FOXP2: variants seen among roughly 807,000 people sequenced by gnomAD.
FOXP2 encodes forkhead box P2.
Under a neutral mutation model 115.8 loss-of-function variants are expected in FOXP2, and 12 were observed. The observed-to-expected ratio is 0.10, with a 90% CI of 0.07 to 0.17. The LOEUF is 0.17. Among genes scored for constraint, FOXP2 ranks in the 10% least tolerant of loss-of-function variants. The pLI is 1.00. For missense variants in FOXP2, 629 were observed against 843.5 expected, an observed-to-expected ratio of 0.75 and a Z score of 3.15; for synonymous variants, 328 against 297.7, an observed-to-expected ratio of 1.10 and a Z score of -1.05.
At chr7:114,256,652 A>G (rs1337749867) in intron 1 of FOXP2, among the ~76,000 whole-genome samples, 1 of 152,196 alleles carries the variant, frequency 6.6e-6, no homozygotes, top group East Asian at 1.9e-4. Flanking sequence ...TCTGTGGGTT[A>G]GCTGTTCACT....
At chr7:114,326,888 A>G (rs1459204251) in intron 2 of FOXP2, among the ~76,000 whole-genome samples, 1 of 152,210 alleles carries the variant, frequency 6.6e-6, no homozygotes, top group Non-Finnish European at 1.5e-5. Context: ...TAGGGATAAT[A>G]TAGTCAGTAG....
At chr7:114,395,127 T>C (rs1408731862) in intron 2 of FOXP2, among the ~76,000 whole-genome samples, 1 of 152,218 alleles carries the variant, frequency 6.6e-6, no homozygotes, top group Non-Finnish European at 1.5e-5. Context: ...AGTTTGTGAC[T>C]ATGACAGTAT....
chr7:114,607,357 G>A (rs769354149), intron 3 of FOXP2, among the ~76,000 whole-genome samples: 1 of 152,134 alleles, frequency 6.6e-6, no homozygotes, highest in African/African-American at 2.4e-5. Flanking sequence ...AAAGAGCACT[G>A]TACTATATCA....
upstream of FOXP2, among the ~76,000 whole-genome samples, chr7:114,158,645 T>A (rs1792737668): frequency 6.6e-6 from 1 of 152,158 alleles, no homozygotes; most frequent in Non-Finnish European, 1.5e-5. Context: ...GACCCTTATG[T>A]TGTATGTGAT....
intron 1 of FOXP2, among the ~76,000 whole-genome samples, chr7:114,262,925 C>T (rs923436988): frequency 1.3e-5 from 2 of 152,212 alleles, no homozygotes; most frequent in African/African-American, 2.4e-5. Context: ...TATCCCCTCT[C>T]TGCCAAATTC....
intron 8 of FOXP2, among the ~76,000 whole-genome samples, chr7:114,651,517 G>A (rs1296716354): frequency 6.6e-6 from 1 of 151,974 alleles, no homozygotes; most frequent in Non-Finnish European, 1.5e-5. Flanking sequence ...AATAATAATG[G>A]TAGACTAATG....
rs1804784615 is a variant in FOXP2, at chr7:114,629,701, A to T, written c.397-104A>T. On this transcript the variant is annotated intron_variant, in intron 4 of 16. Coordinates refer to ENST00000350908, the MANE Select transcript of FOXP2 (RefSeq NM_014491.4). ...ATTTTTTGTTGTTTTTATGGGATGAATCTTAATGGATACTCTGCCATATGC... is the reference window on the plus strand; with the variant it reads ...ATTTTTTGTTGTTTTTATGGGATGATTCTTAATGGATACTCTGCCATATGC... 3.1e-6 allele frequency: 5 copies of T among 1,601,032 alleles called. No individual in the cohort carries two copies. The Admixed American group carries it at 8.4e-5, about 27-fold the overall frequency.
At chr7:114,308,186 A>G (rs1027614940) in intron 2 of FOXP2, among the ~76,000 whole-genome samples, 33 of 152,264 alleles carry the variant, frequency 2.2e-4, no homozygotes, top group African/African-American at 7.5e-4. Flanking sequence ...CAAGATGGGA[A>G]TAGAAGAAGA....
chr7:114,430,999 T>A (rs1794083282), intron 2 of FOXP2, among the ~76,000 whole-genome samples: 1 of 151,912 alleles, frequency 6.6e-6, no homozygotes. Flanking sequence ...TAGAAATGGA[T>A]TTTTTAATTT....
At position 114,334,814 on chromosome 7, in the gene FOXP2, A is replaced by G. The variant is rs961305354; in HGVS notation, c.-11+46705A>G. Among the ~76,000 whole-genome samples, 3 of 150,448 alleles carry G rather than the reference A, an allele frequency of 2.0e-5. No homozygotes were observed. The South Asian group carries it at 6.3e-4, about 31-fold the overall frequency. Reference sequence around the variant, plus strand: ...GATACCTTTAATTTTTAAAGATCGAAAATGATCATAAATGAGAATCAGGTT... The same window carrying G: ...GATACCTTTAATTTTTAAAGATCGAGAATGATCATAAATGAGAATCAGGTT... On this transcript the variant is annotated intron_variant, in intron 2 of 17. Coordinates refer to the FOXP2 transcript ENST00000634411.
At chr7:114,309,570 T>C (rs1797095240) in intron 2 of FOXP2, among the ~76,000 whole-genome samples, 1 of 152,152 alleles carries the variant, frequency 6.6e-6, no homozygotes. Context: ...ATTGATCTCG[T>C]CAGAGAACAG....
intron 1 of FOXP2, among the ~76,000 whole-genome samples, chr7:114,176,065 A>G (rs1793280350): frequency 6.6e-6 from 1 of 151,174 alleles, no homozygotes; most frequent in African/African-American, 2.4e-5. Flanking sequence ...GTTTTTGGGG[A>G]TTTTAAAATT....
chr7:114,405,058 A>T (rs536536064), intron 2 of FOXP2, among the ~76,000 whole-genome samples: 37 of 152,060 alleles, frequency 2.4e-4, no homozygotes, highest in South Asian at 1.9e-3. Context: ...TTTTTGATGA[A>T]GTAGAAAACA....
At chr7:114,417,946 T>A (rs1793421186) in intron 1 of FOXP2, among the ~76,000 whole-genome samples, 1 of 151,960 alleles carries the variant, frequency 6.6e-6, no homozygotes, top group Admixed American at 6.6e-5. Flanking sequence ...TTCTACTTTG[T>A]GAAAAGTACT....
chr7:114,631,396 C>T (rs1391614616), intron 5 of FOXP2, 132 bp from the exon 6 acceptor site: 18 of 1,443,636 alleles, frequency 1.2e-5, no homozygotes, highest in Middle Eastern at 4.7e-4. Context: ...CACATTCTGC[C>T]CCTGAACTTT....
chr7:114,609,054 C>T (rs538177776), intron 3 of FOXP2, among the ~76,000 whole-genome samples: 3 of 151,510 alleles, frequency 2.0e-5, no homozygotes, highest in African/African-American at 7.3e-5. Flanking sequence ...CAAAACAAAA[C>T]AAAACAAAAT....
chr7:114,211,801 G>C (rs1415461303), intron 1 of FOXP2, among the ~76,000 whole-genome samples: 1 of 152,100 alleles, frequency 6.6e-6, no homozygotes, highest in East Asian at 1.9e-4. Flanking sequence ...TGCCGGGCAC[G>C]ATGGCTCACG....
chr7:114,498,772 G>A, intron 2 of FOXP2: 1 of 697,734 alleles, frequency 1.4e-6, no homozygotes, highest in East Asian at 2.7e-5. Flanking sequence ...TAATTTTATA[G>A]GCATACTTTG....
At chr7:114,553,199 C>A (rs116212788) in intron 3 of FOXP2, among the ~76,000 whole-genome samples, 2,434 of 152,158 alleles carry the variant, frequency 0.016, 60 homozygotes, top group African/African-American at 0.052. Flanking sequence ...GTTAGGATAC[C>A]CAAGTCTTAA....
Sources: allele counts gnomAD v4.1 joint callset (sites outside exome capture counted in the v4.1 genomes callset), GRCh38; gene constraint gnomAD v4.1.1; transcripts MANE v1.5; gene names NCBI Gene and HGNC (gene_info 2026-07-23, HGNC 2026-07-21).